The following PKNOX1 variants were observed in gnomAD, a reference collection of about 807,000 sequenced individuals.
PKNOX1 encodes homeobox protein PKNOX1.
In PKNOX1, 15 loss-of-function variants were observed where a neutral mutation model predicts 51.9. The ratio of observed to expected loss-of-function variants is 0.29; its 90% CI spans 0.19 to 0.45. The LOEUF is 0.45. Ranked by LOEUF, PKNOX1 falls within the 20% of genes least tolerant of loss-of-function variation. The probability of loss-of-function intolerance (pLI) is 1.00; values close to 1 mark genes in which losing one functional copy is unlikely to be tolerated. For synonymous variants in PKNOX1, 219 were observed against 211.1 expected (o/e 1.04, Z -0.32); for missense variants, 462 against 547.5 (o/e 0.84, Z 1.56).
intron 7 of PKNOX1, among the ~76,000 whole-genome samples, chr21:43,020,000 A>G (rs1241207320): frequency 6.8e-6 from 1 of 147,420 alleles, no homozygotes; most frequent in East Asian, 2.0e-4. Context: ...TGGCACAAAC[A>G]CAGCTCACTG....
chr21:42,991,925 C>G (rs2146241316), intron 1 of PKNOX1, among the ~76,000 whole-genome samples: 1 of 152,326 alleles, frequency 6.6e-6, no homozygotes, highest in South Asian at 2.1e-4. Context: ...GGATCTTGCT[C>G]TATCAGCCAA....
intron 10 of PKNOX1, among the ~76,000 whole-genome samples, chr21:43,029,185 C>T (rs1035518813): frequency 3.3e-5 from 5 of 152,166 alleles, no homozygotes; most frequent in Non-Finnish European, 7.3e-5. Flanking sequence ...CTCTCCTTTT[C>T]CCTCCGACGC....
chr21:42,999,662 G>A (rs957950523), intron 1 of PKNOX1, among the ~76,000 whole-genome samples: 6 of 151,984 alleles, frequency 3.9e-5, no homozygotes, highest in African/African-American at 1.5e-4. Context: ...CGTATTTTTA[G>A]TAGAGACGGG....
intron 1 of PKNOX1, 91 bp from the exon 2 acceptor site, chr21:43,004,235 C>T (rs1366906718): frequency 1.0e-5 from 6 of 583,038 alleles, no homozygotes; most frequent in Non-Finnish European, 1.9e-5. Context: ...GAAACTCGGT[C>T]TCAAAAAAAA....
Position 43,007,759 on chromosome 21 carries a change from T to C in PKNOX1, c.179+141T>C. 5.5e-6 allele frequency: 5 copies of C among 902,870 alleles called. No homozygotes were observed. In the South Asian group the frequency reaches 6.5e-5, roughly 12 times the overall value. The allele number at this position is 902,870 out of a possible 1,614,324, so 55.9% of individuals were successfully genotyped here. On this transcript the variant is annotated intron_variant, in intron 3 of 10. Coordinates refer to ENST00000291547, the MANE Select transcript of PKNOX1 (RefSeq NM_004571.5). ...GTGATAACTGCTCGGCTGAAAATTT[T>C]CTCAGATTAAGATGTTATTTCTGGC... is the stretch of plus-strand genomic sequence containing the variant.
chr21:42,981,746 C>T (rs980953575), intron 1 of PKNOX1, among the ~76,000 whole-genome samples: 1 of 152,066 alleles, frequency 6.6e-6, no homozygotes, highest in Non-Finnish European at 1.5e-5. Context: ...TTGCCGTCTG[C>T]GATTGACGCT....
In PKNOX1 at chr21:43,013,098, C is replaced by T; in HGVS notation, c.382C>T (p.His128Tyr). 6.2e-7 allele frequency: 1 copy of T among 1,611,854 alleles called. No homozygotes were observed. The highest frequency in any genetic ancestry group is 8.5e-7 in the Non-Finnish European group (1 of 1,178,762). Residue 128 changes from histidine to tyrosine, a missense_variant, in exon 5 of 11, where the codon CAT becomes TAT. By Grantham distance (83) the His-to-Tyr change is moderately conservative. This residue lies in a region of PKNOX1 where 14 missense variants were observed against 39.3 expected (regional missense o/e 0.36). Coordinates refer to ENST00000291547, the MANE Select transcript of PKNOX1 (RefSeq NM_004571.5). Reference protein sequence around the residue: ...MVKAIQVLRIHLLELEKVNEL... With the variant: ...MVKAIQVLRIYLLELEKVNEL... The stretch of plus-strand genomic sequence containing the variant: ...AAAAGCAATCCAGGTTTTGCGCATT[C>T]ATCTTCTTGAGCTGGAAAAGGTTAA...
intron 1 of PKNOX1, among the ~76,000 whole-genome samples, chr21:42,982,848 T>C (rs7281371): frequency 0.9 from 136,617 of 151,998 alleles, 61,525 homozygotes; most frequent in African/African-American, 0.91. Flanking sequence ...CTTGCTCTGT[T>C]GCCCAGGCTG....
intron 1 of PKNOX1, among the ~76,000 whole-genome samples, chr21:42,980,498 TAGA>T (rs998396278): frequency 6.6e-6 from 1 of 152,214 alleles, no homozygotes; most frequent in Non-Finnish European, 1.5e-5. Context: ...TGAAACTGTT[TAGA>T]AGGACAGCCT....
intron 1 of PKNOX1, among the ~76,000 whole-genome samples, chr21:42,991,686 A>T (rs1023082692): frequency 6.6e-6 from 1 of 151,878 alleles, no homozygotes; most frequent in African/African-American, 2.4e-5. Flanking sequence ...GTGAGCCAAG[A>T]TCGTGCCACT....
chr21:43,023,669 C>T (rs1979861668), intron 8 of PKNOX1, among the ~76,000 whole-genome samples: 1 of 151,564 alleles, frequency 6.6e-6, no homozygotes, highest in Admixed American at 6.6e-5. Context: ...GGCTGGAGTG[C>T]AGTGGCGCGA....
intron 1 of PKNOX1, among the ~76,000 whole-genome samples, chr21:42,978,743 C>G (rs545989204): frequency 6.6e-6 from 1 of 152,222 alleles, no homozygotes; most frequent in African/African-American, 2.4e-5. Context: ...CTTGGCCTCC[C>G]AGAGTACTGG....
In PKNOX1 at chr21:43,031,078, T is replaced by C. The variant is rs1980247160; in HGVS notation, c.*977T>C. ...ACCCGTTAGGAGCTCTCACCGTACATACTCCAGTCTAATTTAAATCTGACC... is the reference window on the plus strand; with the variant it reads ...ACCCGTTAGGAGCTCTCACCGTACACACTCCAGTCTAATTTAAATCTGACC... On this transcript the variant is annotated 3_prime_UTR_variant, in exon 11 of 11. Transcript: ENST00000291547. 1.3e-5 allele frequency: 2 copies of C among 152,670 alleles called. No individual in the cohort carries two copies. The highest frequency in any genetic ancestry group is 4.8e-5 in the African/African-American group (2 of 41,456). The allele number at this position is 152,670 out of a possible 1,614,324, so 9.5% of individuals were successfully genotyped here.
intron 1 of PKNOX1, among the ~76,000 whole-genome samples, chr21:42,999,981 G>T (rs1305808817): frequency 6.6e-6 from 1 of 152,058 alleles, no homozygotes; most frequent in African/African-American, 2.4e-5. Context: ...GCAAAATGCT[G>T]CCAGTCTCTT....
intron 2 of PKNOX1, among the ~76,000 whole-genome samples, chr21:43,004,687 G>A (rs1183710048): frequency 1.3e-5 from 2 of 152,166 alleles, no homozygotes; most frequent in Non-Finnish European, 2.9e-5. Flanking sequence ...CCTTTTTAAT[G>A]TCAGTGTTAA....
At position 43,014,768 on chromosome 21, in the gene PKNOX1, T is replaced by C. The variant is rs138718731; in HGVS notation, c.522+1530T>C. On this transcript the variant is annotated intron_variant, in intron 5 of 10. Coordinates refer to ENST00000291547, the MANE Select transcript of PKNOX1 (RefSeq NM_004571.5). ...CCGTGATCCATTTTGAGTGGATTTC[T>C]CTATAGAATAACTCTCAAAGCTGGG... Among the ~76,000 whole-genome samples, 30 of 152,382 alleles carry C rather than the reference T, an allele frequency of 2.0e-4. No individual in the cohort carries two copies. The East Asian group carries it at 4.4e-3, about 23-fold the overall frequency.
chr21:42,980,777 C>G (rs402591), intron 1 of PKNOX1, among the ~76,000 whole-genome samples: 31,693 of 152,094 alleles, frequency 0.21, 3,657 homozygotes, highest in Non-Finnish European at 0.25. Context: ...TTTTGTGACA[C>G]TCTAATGCTT....
In PKNOX1 at chr21:43,024,884, C is replaced by A. The variant is rs2146292911; in HGVS notation, c.863C>A (p.Thr288Lys). Reference protein sequence around the residue: ...LFQHIGHPYPTEDEKKQIAAQ... With the variant: ...LFQHIGHPYPKEDEKKQIAAQ... Reference sequence around the variant, plus strand: ...TTTTATTTTCAGCATCCCTACCCAACAGAGGATGAGAAAAAACAGATTGCT... The same window carrying A: ...TTTTATTTTCAGCATCCCTACCCAAAAGAGGATGAGAAAAAACAGATTGCT... Residue 288 changes from threonine to lysine, a missense_variant, in exon 9 of 11, where the codon ACA (threonine) becomes AAA (lysine). By Grantham distance (78) the Thr-to-Lys change is moderately conservative. Coordinates refer to ENST00000291547, the MANE Select transcript of PKNOX1 (RefSeq NM_004571.5). 1 of 1,609,312 alleles carries A rather than the reference C, an allele frequency of 6.2e-7. No homozygotes were observed. The highest frequency in any genetic ancestry group is 8.5e-7 in the Non-Finnish European group (1 of 1,175,742).
At chr21:43,014,305 G>A (rs1031579072) in intron 5 of PKNOX1, among the ~76,000 whole-genome samples, 2 of 152,116 alleles carry the variant, frequency 1.3e-5, no homozygotes, top group African/African-American at 4.8e-5. Context: ...ACAAGCATGA[G>A]CTACCACGCC....
Sources: gnomAD v4.1 joint callset for allele counts (sites outside exome capture counted in the v4.1 genomes callset) on GRCh38, gnomAD v4.1.1 for gene constraint, gnomAD v4.1.1 regional missense constraint, MANE v1.5 for transcripts, NCBI Gene and HGNC (gene_info 2026-07-23, HGNC 2026-07-21) for gene names.